IGFBP7: variants seen among roughly 807,000 people sequenced by gnomAD.
IGFBP7 encodes the protein insulin-like growth factor-binding protein 7.
IGFBP7 carries 31 observed loss-of-function variants against 29.4 expected under a neutral mutation model. The ratio of observed to expected loss-of-function variants is 1.05; its 90% CI spans 0.79 to 1.42. The LOEUF (loss-of-function observed/expected upper bound fraction) is 1.42, where lower values mean the gene tolerates loss of function less well. Among genes scored for constraint, IGFBP7 ranks in the 40% most tolerant of loss-of-function variants. The pLI is 0.00. For missense variants in IGFBP7, 393 were observed against 395.5 expected (o/e 0.99, Z 0.05); for synonymous variants, 172 against 174.9 (o/e 0.98, Z 0.13).
At chr4:57,077,606 T>C (rs1316908730) in intron 1 of IGFBP7, among the ~76,000 whole-genome samples, 1 of 152,180 alleles carries the variant, frequency 6.6e-6, no homozygotes, top group Non-Finnish European at 1.5e-5. Context: ...AAAGGTCAAA[T>C]AATTGACAGA....
intron 1 of IGFBP7, among the ~76,000 whole-genome samples, chr4:57,091,474 G>C (rs1457838432): frequency 6.6e-6 from 1 of 152,104 alleles, no homozygotes; most frequent in South Asian, 2.1e-4. Flanking sequence ...GCTCTGCTTG[G>C]ACACTCAAAC....
intron 2 of IGFBP7, among the ~76,000 whole-genome samples, chr4:57,036,082 A>G (rs1724076731): frequency 1.3e-5 from 2 of 152,244 alleles, no homozygotes; most frequent in Admixed American, 1.3e-4. Context: ...GATTTAATAA[A>G]TTACAGTATT....
chr4:57,068,557 G>A (rs746178404), intron 1 of IGFBP7, among the ~76,000 whole-genome samples: 12 of 152,214 alleles, frequency 7.9e-5, no homozygotes, highest in Non-Finnish European at 1.6e-4. Flanking sequence ...CTATTCAGTA[G>A]TGCATGGTTG....
Position 57,031,339 on chromosome 4 carries a change from GT to G in IGFBP7, c.830-4del. 1.3e-6 allele frequency: 2 copies of G among 1,581,222 alleles called. No individual in the cohort carries two copies. Among genetic ancestry groups the G allele is most frequent in the Non-Finnish European group, 8.6e-7 (1 of 1,159,386 alleles). On this transcript the variant is annotated splice_region_variant and splice_polypyrimidine_tract_variant and intron_variant, in intron 4 of 4. Coordinates refer to ENST00000295666, the MANE Select transcript of IGFBP7 (RefSeq NM_001553.3). The stretch of plus-strand genomic sequence containing the variant: ...GGTTTATAGCTCGGCACCTTCACCT[GT>G]TTAAAAAAAAAAAAAGATAAAAATT...
intron 1 of IGFBP7, among the ~76,000 whole-genome samples, chr4:57,067,230 G>C (rs561257395): frequency 6.6e-6 from 1 of 151,980 alleles, no homozygotes; most frequent in African/African-American, 2.4e-5. Flanking sequence ...ATCATTATAC[G>C]AAAAAGAGCT....
intron 1 of IGFBP7, among the ~76,000 whole-genome samples, chr4:57,057,759 C>T (rs564536373): frequency 6.6e-6 from 1 of 152,274 alleles, no homozygotes; most frequent in African/African-American, 2.4e-5. Flanking sequence ...GCTAAGGCAG[C>T]AGACTTCAAG....
intron 2 of IGFBP7, among the ~76,000 whole-genome samples, 163 bp from the exon 3 acceptor site, chr4:57,033,474 T>C (rs1049737968): frequency 2.0e-5 from 3 of 152,218 alleles, no homozygotes; most frequent in Non-Finnish European, 4.4e-5. Flanking sequence ...TTTTAAAATA[T>C]AGATCCTCTT....
chr4:57,076,955 T>A (rs1253126240), intron 1 of IGFBP7, among the ~76,000 whole-genome samples: 1 of 152,234 alleles, frequency 6.6e-6, no homozygotes, highest in African/African-American at 2.4e-5. Flanking sequence ...ATTTCAATCA[T>A]ATCCAATCAA....
At position 57,110,294 on chromosome 4, in the gene IGFBP7, G is replaced by C; in HGVS notation, c.58C>G (p.Leu20Val). 3 of 1,425,138 alleles carry C rather than the reference G, an allele frequency of 2.1e-6. No individual in the cohort carries two copies. Among genetic ancestry groups the C allele is most frequent in the Non-Finnish European group, 1.8e-6 (2 of 1,089,718 alleles). The allele number at this position is 1,425,138 out of a possible 1,614,324, so 88.3% of individuals were successfully genotyped here. ...LLGAAGLLLL[L>V]LPLSSSSSSD... ...GAGGAGGAAGAGGAGAGGGGCAGGA[G>C]CAGGAGCAGCAGCCCAGCGGCGCCG... The change falls in exon 1 of 5, where the codon CTC (leucine) becomes GTC (valine). Residue 20 changes from leucine (L) to valine (V), a missense_variant. By Grantham distance (32) the Leu-to-Val change is conservative. Transcript: ENST00000295666.
intron 1 of IGFBP7, among the ~76,000 whole-genome samples, chr4:57,052,373 G>A (rs1446035697): frequency 1.3e-5 from 2 of 152,144 alleles, no homozygotes; most frequent in African/African-American, 4.8e-5. Flanking sequence ...GTGGACTTGG[G>A]TTTAAATTTG....
chr4:57,053,750 T>TCA (rs1346137806), intron 1 of IGFBP7, among the ~76,000 whole-genome samples: 198 of 152,220 alleles, frequency 1.3e-3, no homozygotes, highest in Middle Eastern at 6.8e-3. Context: ...TTATAGAGAG[T>TCA]GCTTTCCCGA....
chr4:57,096,915 T>G (rs1213707255), intron 1 of IGFBP7, among the ~76,000 whole-genome samples: 1 of 152,238 alleles, frequency 6.6e-6, no homozygotes, highest in Non-Finnish European at 1.5e-5. Flanking sequence ...AAGAGACACA[T>G]GAATTACAGC....
intron 1 of IGFBP7, among the ~76,000 whole-genome samples, chr4:57,068,365 C>A (rs946627168): frequency 6.6e-6 from 1 of 151,788 alleles, no homozygotes; most frequent in East Asian, 1.9e-4. Flanking sequence ...GGACTGACAT[C>A]ATCAGTTTAC....
At chr4:57,099,979 C>G (rs1725854561) in intron 1 of IGFBP7, among the ~76,000 whole-genome samples, 1 of 152,122 alleles carries the variant, frequency 6.6e-6, no homozygotes, top group Non-Finnish European at 1.5e-5. Context: ...TCAAGGGATC[C>G]TCTGCATCAG....
At chr4:57,062,558 C>T (rs1405979963) in intron 1 of IGFBP7, among the ~76,000 whole-genome samples, 1 of 152,012 alleles carries the variant, frequency 6.6e-6, no homozygotes, top group Non-Finnish European at 1.5e-5. Flanking sequence ...GATGATAACC[C>T]CATCGTGGCC....
At chr4:57,051,158 A>G (rs574234599) in intron 1 of IGFBP7, among the ~76,000 whole-genome samples, 1 of 152,190 alleles carries the variant, frequency 6.6e-6, no homozygotes, top group Non-Finnish European at 1.5e-5. Context: ...GTAGGAAGGC[A>G]CTATGGCCAA....
intron 1 of IGFBP7, among the ~76,000 whole-genome samples, chr4:57,109,409 C>CGACA (rs1361343332): frequency 3.3e-5 from 5 of 151,870 alleles, no homozygotes; most frequent in Non-Finnish European, 7.4e-5. Flanking sequence ...CCACCCTGGG[C>CGACA]GACAGAGCAA....
At chr4:57,093,781 C>A (rs1725693315) in intron 1 of IGFBP7, among the ~76,000 whole-genome samples, 1 of 152,148 alleles carries the variant, frequency 6.6e-6, no homozygotes, top group Non-Finnish European at 1.5e-5. Flanking sequence ...AAGATTCACT[C>A]ATCTGCACTC....
intron 1 of IGFBP7, among the ~76,000 whole-genome samples, chr4:57,045,781 A>G (rs1350914196): frequency 1.3e-5 from 2 of 151,236 alleles, no homozygotes; most frequent in Non-Finnish European, 2.9e-5. Context: ...CCCAGGGTGC[A>G]ATGGTGTGAT....
Sources: gnomAD v4.1 joint callset for allele counts (sites outside exome capture counted in the v4.1 genomes callset) on GRCh38, gnomAD v4.1.1 for gene constraint, MANE v1.5 for transcripts, NCBI Gene and HGNC (gene_info 2026-07-23, HGNC 2026-07-21) for gene names.